The following ACACA variants were observed in gnomAD, a reference collection of about 807,000 sequenced individuals.
The protein encoded by ACACA is acetyl-CoA carboxylase 1.
A neutral mutation model predicts 296.1 loss-of-function variants in ACACA; 103 were observed. The ratio of observed to expected loss-of-function variants is 0.35; its 90% CI spans 0.30 to 0.41. ACACA has a LOEUF of 0.41. Ranked by LOEUF, ACACA falls within the 10% of genes least tolerant of loss-of-function variation. The pLI is 1.00. For missense variants in ACACA, 1,554 were observed against 2,989.7 expected, an observed-to-expected ratio of 0.52 and a Z score of 11.20; for synonymous variants, 953 against 1,038.6, an observed-to-expected ratio of 0.92 and a Z score of 1.58.
intron 42 of ACACA, chr17:37,161,536 T>C (rs1263588306): frequency 1.7e-6 from 1 of 574,102 alleles, no homozygotes; most frequent in African/African-American, 1.9e-5. Flanking sequence ...TACTATTTCA[T>C]CTAGTGCTCA....
At chr17:37,148,362 G>A (rs190272724) in intron 45 of ACACA, among the ~76,000 whole-genome samples, 2 of 152,020 alleles carry the variant, frequency 1.3e-5, no homozygotes, top group Admixed American at 6.6e-5. Context: ...AGCCAAGTTC[G>A]CCACTGTTAG....
In ACACA at chr17:37,330,414, G is replaced by C; in HGVS notation, c.97C>G (p.His33Asp). 2 of 1,614,186 alleles carry C rather than the reference G, an allele frequency of 1.2e-6. No individual in the cohort carries two copies. Among genetic ancestry groups the C allele is most frequent in the Non-Finnish European group, 1.7e-6 (2 of 1,180,042 alleles). ...TVRIIRAVRAHFGGIMDEPSP... is the reference protein window; with the variant it reads ...TVRIIRAVRADFGGIMDEPSP... ...GGTTCATCCATTATTCCTCCAAAAT[G>C]AGCTCTTACAGCTATGGAGAAAATG... Residue 33 changes from histidine to aspartate, a missense_variant, in exon 3 of 56, where the codon CAT becomes GAT. By Grantham distance (81) the His-to-Asp change is moderately conservative. Coordinates refer to ENST00000616317, the MANE Select transcript of ACACA (RefSeq NM_198834.3).
Position 37,390,332 on chromosome 17 carries a change from A to ATATATG in ACACA, c.38+15929_38+15930insCATATA, listed in dbSNP as rs2050821607. Among the ~76,000 whole-genome samples, 3 of 91,146 alleles carry ATATATG rather than the reference A, an allele frequency of 3.3e-5. No individual in the cohort carries two copies. In the South Asian group the frequency reaches 9.5e-4, roughly 29 times the overall value. The allele number at this position is 91,146 out of a possible 152,430, so 59.8% of individuals were successfully genotyped here. A position where few individuals can be genotyped will look rare whatever the true frequency, so the allele number is the denominator to read the frequency against. ...TATATATATATATATATATATATAT[A>ATATATG]TAAAAGGCCAGCTGGGCCGGGCACG... On this transcript the variant is annotated intron_variant, in intron 1 of 55. Transcript: ENST00000616317.
At chr17:37,148,176 T>A (rs1471582716) in intron 45 of ACACA, among the ~76,000 whole-genome samples, 1 of 151,598 alleles carries the variant, frequency 6.6e-6, no homozygotes, top group Non-Finnish European at 1.5e-5. Flanking sequence ...TACCTAAAAT[T>A]ATCTTTGGCA....
chr17:37,316,866 A>G (rs2047117659), intron 3 of ACACA, among the ~76,000 whole-genome samples: 1 of 151,966 alleles, frequency 6.6e-6, no homozygotes, highest in Non-Finnish European at 1.5e-5. Flanking sequence ...TAAGGTCCAG[A>G]GTTCGAGACC....
At chr17:37,168,294 T>C (rs1436898830) in intron 41 of ACACA, among the ~76,000 whole-genome samples, 1 of 152,086 alleles carries the variant, frequency 6.6e-6, no homozygotes. Context: ...CAAAAATAAA[T>C]AAGAAACAGC....
At chr17:37,326,441 G>C (rs990684696) in intron 3 of ACACA, among the ~76,000 whole-genome samples, 1 of 151,894 alleles carries the variant, frequency 6.6e-6, no homozygotes, top group Non-Finnish European at 1.5e-5. Flanking sequence ...TGAGGCAGGA[G>C]AATCTCTTGA....
At chr17:37,169,809 T>C (rs918245248) in intron 41 of ACACA, among the ~76,000 whole-genome samples, 2 of 152,162 alleles carry the variant, frequency 1.3e-5, no homozygotes, top group South Asian at 4.1e-4. Context: ...TCCAACATTT[T>C]TATCCAGGTG....
Position 37,339,856 on chromosome 17 carries a change from G to C in ACACA, c.39-6C>G, listed in dbSNP as rs746391724. 1 of 1,234,900 alleles carries C rather than the reference G, an allele frequency of 8.1e-7. No homozygotes were observed. Among genetic ancestry groups the C allele is most frequent in the South Asian group, 1.3e-5 (1 of 78,324 alleles). 76.5% of individuals were successfully genotyped at this position (1,234,900 alleles called of 1,614,324 possible). ...ATATCCACTTCCAAAAAGACCTAGA[G>C]AGAAAGAGAAAGATTTTAAGGTTTT... is the stretch of plus-strand genomic sequence containing the variant. On this transcript the variant is annotated splice_region_variant and splice_polypyrimidine_tract_variant and intron_variant, in intron 1 of 55. Coordinates refer to ENST00000616317, the MANE Select transcript of ACACA (RefSeq NM_198834.3).
intron 1 of ACACA, 27 bp from the exon 2 acceptor site, chr17:37,339,877 G>GTTT: frequency 1.1e-5 from 10 of 940,064 alleles, no homozygotes; most frequent in Admixed American, 2.4e-5. Context: ...AGATTTTAAG[G>GTTT]TTTTTTTTTT....
At chr17:37,303,077 C>T (rs1004953966) in intron 3 of ACACA, among the ~76,000 whole-genome samples, 7 of 152,118 alleles carry the variant, frequency 4.6e-5, no homozygotes, top group African/African-American at 1.2e-4. Flanking sequence ...ACTACAGGAA[C>T]GTGCACCACG....
At chr17:37,363,033 C>CTT (rs546785530) in intron 1 of ACACA, among the ~76,000 whole-genome samples, 13 of 140,032 alleles carry the variant, frequency 9.3e-5, no homozygotes, top group East Asian at 8.3e-4. Flanking sequence ...ATTCCCAGCC[C>CTT]TTTTTTTTTT....
chr17:37,092,026 G>A (rs915954398), intron 54 of ACACA, among the ~76,000 whole-genome samples: 6 of 151,960 alleles, frequency 3.9e-5, no homozygotes, highest in Non-Finnish European at 5.9e-5. Context: ...AGTGGCTCAC[G>A]CCTGTTATCC....
chr17:37,180,211 T>C (rs1011173549), intron 40 of ACACA, among the ~76,000 whole-genome samples: 3 of 152,192 alleles, frequency 2.0e-5, no homozygotes. Context: ...TGATTTATAT[T>C]ATATTTATAG....
At chr17:37,216,442 A>T (rs905537583) in intron 29 of ACACA, among the ~76,000 whole-genome samples, 5 of 152,106 alleles carry the variant, frequency 3.3e-5, no homozygotes, top group Admixed American at 2.0e-4. Context: ...ATCAAAAAGG[A>T]GATAATATAC....
chr17:37,197,182 G>A (rs985549577), intron 35 of ACACA, among the ~76,000 whole-genome samples: 7 of 152,170 alleles, frequency 4.6e-5, no homozygotes, highest in African/African-American at 1.7e-4. Flanking sequence ...AAACTACGAA[G>A]TATTGTAAAT....
chr17:37,109,798 G>C (rs1350132477), intron 52 of ACACA, among the ~76,000 whole-genome samples: 1 of 152,166 alleles, frequency 6.6e-6, no homozygotes, highest in Non-Finnish European at 1.5e-5. Context: ...TGCAAAAGGA[G>C]AAAGGATCCC....
intron 1 of ACACA, among the ~76,000 whole-genome samples, chr17:37,381,828 C>CCT (rs1313276370): frequency 6.6e-6 from 1 of 151,598 alleles, no homozygotes; most frequent in Non-Finnish European, 1.5e-5. Flanking sequence ...GGGGTTTCAC[C>CCT]GTGTTGGCCA....
intron 29 of ACACA, among the ~76,000 whole-genome samples, chr17:37,212,640 TC>T (rs888299928): frequency 1.3e-5 from 2 of 151,918 alleles, no homozygotes; most frequent in Non-Finnish European, 2.9e-5. Flanking sequence ...TTACATGTTT[TC>T]TTTTTTTTTT....
Sources: gnomAD v4.1 joint callset for allele counts (sites outside exome capture counted in the v4.1 genomes callset) on GRCh38, gnomAD v4.1.1 for gene constraint, MANE v1.5 for transcripts, NCBI Gene and HGNC (gene_info 2026-07-23, HGNC 2026-07-21) for gene names.